Variants in ZDHHC13 observed in about 807,000 individuals in gnomAD.
ZDHHC13 encodes the protein zDHHC palmitoyltransferase 13.
Under a neutral mutation model 86.0 loss-of-function variants are expected in ZDHHC13, and 85 were observed. That is an observed-to-expected ratio of 0.99 (90% CI 0.83 to 1.18). The LOEUF is 1.18. ZDHHC13 is among the 50% of genes most tolerant of loss of function. ZDHHC13 has a pLI of 0.00. For synonymous variants in ZDHHC13, 263 were observed against 246.4 expected, an observed-to-expected ratio of 1.07 and a Z score of -0.63; for missense variants, 711 against 730.2, an observed-to-expected ratio of 0.97 and a Z score of 0.30.
Position 19,150,710 on chromosome 11 carries a change from G to A in ZDHHC13, c.520-17G>A, listed in dbSNP as rs1849583540. 1 of 1,597,528 alleles carries A rather than the reference G, an allele frequency of 6.3e-7. No homozygotes were observed. The highest frequency in any genetic ancestry group is 8.6e-7 in the Non-Finnish European group (1 of 1,168,210). On this transcript the variant is annotated splice_polypyrimidine_tract_variant and intron_variant, in intron 5 of 16. Coordinates refer to ENST00000446113, the MANE Select transcript of ZDHHC13 (RefSeq NM_019028.3). ...GAGTGTATTTACAGTTATGCTAATTGTCTTCTTTTTGAATAGAGTGTGAAT... is the reference window on the plus strand; with the variant it reads ...GAGTGTATTTACAGTTATGCTAATTATCTTCTTTTTGAATAGAGTGTGAAT...
intron 14 of ZDHHC13, chr11:19,166,694 T>A: frequency 5.5e-6 from 1 of 181,788 alleles, no homozygotes; most frequent in Non-Finnish European, 1.1e-5. Flanking sequence ...AGTACAAAGC[T>A]GGAGGTGGTA....
At chr11:19,157,891 T>C (rs1849802020) in intron 9 of ZDHHC13, among the ~76,000 whole-genome samples, 1 of 152,232 alleles carries the variant, frequency 6.6e-6, no homozygotes, top group Non-Finnish European at 1.5e-5. Flanking sequence ...AAAGCAACTG[T>C]AAACTACTAT....
At position 19,170,518 on chromosome 11, in the gene ZDHHC13, A is replaced by G; in HGVS notation, c.1582A>G (p.Thr528Ala). 6.5e-7 allele frequency: 1 copy of G among 1,531,086 alleles called. No homozygotes were observed. The highest frequency in any genetic ancestry group is 8.8e-7 in the Non-Finnish European group (1 of 1,141,794). The allele number at this position is 1,531,086 out of a possible 1,614,324, so 94.8% of individuals were successfully genotyped here. ...GGTTTTATATATCTTGATGCTAGCA[A>G]CTTTCCATTTCTCATGGTCAACATT... ...PWVLYILMLATFHFSWSTFLL... is the reference protein window; with the variant it reads ...PWVLYILMLAAFHFSWSTFLL... Residue 528 changes from threonine to alanine, a missense_variant, in exon 15 of 17, where the codon ACT (threonine) becomes GCT (alanine). Thr to Ala is a moderately conservative substitution (Grantham distance 58). Transcript: ENST00000446113.
chr11:19,144,169 ATTG>A (rs1849396108), intron 2 of ZDHHC13, among the ~76,000 whole-genome samples: 1 of 152,136 alleles, frequency 6.6e-6, no homozygotes, highest in African/African-American at 2.4e-5. Flanking sequence ...ATTATTTGAT[ATTG>A]TTTATATTTT....
rs11025035 is a variant in ZDHHC13, at chr11:19,152,255, G to T, written c.682G>T (p.Gly228Ter). Residue 228 changes from glycine to a stop codon, truncating the protein, a stop_gained, in exon 7 of 17, where the codon GGA (glycine) becomes TGA (stop). Transcript: ENST00000446113. LOFTEE classifies it high-confidence loss of function. ...TCCACTTCACTGGGCAGTTGCAGCAGGAAATGTTAATGCAGTTGATAAGCT... is the reference window on the plus strand; with the variant it reads ...TCCACTTCACTGGGCAGTTGCAGCATGAAATGTTAATGCAGTTGATAAGCT... ...NTPLHWAVAA[G>*]NVNAVDKLLE... The T allele has an allele frequency of 5.0e-6, 8 of 1,613,234 alleles. No homozygotes were observed. Among genetic ancestry groups the T allele is most frequent in the Non-Finnish European group, 5.9e-6 (7 of 1,179,510 alleles).
At chr11:19,125,834 A>G (rs1404046562) in intron 1 of ZDHHC13, among the ~76,000 whole-genome samples, 1 of 152,188 alleles carries the variant, frequency 6.6e-6, no homozygotes, top group Non-Finnish European at 1.5e-5. Flanking sequence ...AGCCCCTCCT[A>G]AAAGATTGTG....
chr11:19,137,665 A>T (rs1456931160), intron 1 of ZDHHC13, among the ~76,000 whole-genome samples: 6 of 152,242 alleles, frequency 3.9e-5, no homozygotes, highest in Non-Finnish European at 7.3e-5. Flanking sequence ...ACATACTTGG[A>T]AGTAAAGCTC....
chr11:19,169,016 G>A (rs1850147123), intron 14 of ZDHHC13: 1 of 985,436 alleles, frequency 1.0e-6, no homozygotes, highest in Non-Finnish European at 1.2e-6. Flanking sequence ...GAATGTATTA[G>A]CACAAATTAA....
intron 1 of ZDHHC13, among the ~76,000 whole-genome samples, chr11:19,119,813 T>G (rs997699954): frequency 1.3e-5 from 2 of 152,248 alleles, no homozygotes; most frequent in African/African-American, 4.8e-5. Context: ...TGGTGAGTAC[T>G]CTGTAAATAC....
At chr11:19,151,621 TG>T (rs532039310) in intron 6 of ZDHHC13, among the ~76,000 whole-genome samples, 11 of 152,190 alleles carry the variant, frequency 7.2e-5, no homozygotes, top group Admixed American at 4.6e-4. Context: ...ATCTCTTCAG[TG>T]GTCATGAAGG....
chr11:19,122,025 G>A (rs1848769207), intron 1 of ZDHHC13, among the ~76,000 whole-genome samples: 1 of 152,130 alleles, frequency 6.6e-6, no homozygotes, highest in Non-Finnish European at 1.5e-5. Context: ...AAGGTTACCT[G>A]TCTTCTTCTC....
At position 19,164,377 on chromosome 11, in the gene ZDHHC13, T is replaced by C. The variant is rs1849998084; in HGVS notation, c.1296+14T>C. 6.2e-7 allele frequency: 1 copy of C among 1,611,104 alleles called. No individual in the cohort carries two copies. On this transcript the variant is annotated intron_variant, in intron 12 of 16. Coordinates refer to ENST00000446113, the MANE Select transcript of ZDHHC13 (RefSeq NM_019028.3). ...ACATCATGTCTTGTGAGTTTTTTCATATAATTTTTTTCCGTAGTGAAAGCA... is the reference window on the plus strand; with the variant it reads ...ACATCATGTCTTGTGAGTTTTTTCACATAATTTTTTTCCGTAGTGAAAGCA...
chr11:19,155,109 T>C, intron 8 of ZDHHC13, among the ~76,000 whole-genome samples: 1 of 152,176 alleles, frequency 6.6e-6, no homozygotes, highest in East Asian at 1.9e-4. Flanking sequence ...GTTGGAGCTC[T>C]TATAGTTCCC....
rs981706943 is a variant in ZDHHC13, at chr11:19,135,486, G to A, written c.28-7492G>A. ...TGAGATCAAACTGCAAGGCGGCAGC[G>A]AGGCTGGGGAGGGGCGCCCGCCATT... On this transcript the variant is annotated intron_variant, in intron 1 of 16. Transcript: ENST00000446113. 1.7e-4 allele frequency among the ~76,000 whole-genome samples: 26 copies of A among 152,250 alleles called. 1 individual carries two copies. Among genetic ancestry groups the A allele is most frequent in the African/African-American group, 1.4e-4 (6 of 41,476 alleles).
intron 1 of ZDHHC13, among the ~76,000 whole-genome samples, chr11:19,137,506 A>C (rs1223785647): frequency 6.6e-6 from 1 of 151,568 alleles, no homozygotes. Flanking sequence ...TAGACAGATC[A>C]ACGAGACAGA....
At chr11:19,171,719 C>T (rs886310240) in intron 15 of ZDHHC13, among the ~76,000 whole-genome samples, 2 of 152,012 alleles carry the variant, frequency 1.3e-5, no homozygotes, top group Non-Finnish European at 2.9e-5. Flanking sequence ...AGAATAAGTA[C>T]AAGTATATGA....
At chr11:19,164,107 T>C (rs1849988781) in intron 11 of ZDHHC13, among the ~76,000 whole-genome samples, 194 bp from the exon 12 acceptor site, 1 of 152,188 alleles carries the variant, frequency 6.6e-6, no homozygotes, top group Non-Finnish European at 1.5e-5. Context: ...GCATCCTAAT[T>C]TATTAGCTGT....
In ZDHHC13 at chr11:19,160,881, C is replaced by T. The variant is rs146045631; in HGVS notation, c.1108+1841C>T. On this transcript the variant is annotated intron_variant, in intron 10 of 16. Coordinates refer to ENST00000446113, the MANE Select transcript of ZDHHC13 (RefSeq NM_019028.3). The stretch of plus-strand genomic sequence containing the variant: ...GTGGGTCGTGGAAGAATTAAATGGG[C>T]CGTGATTAAAATTAACAAAAGAGAA... 2.2e-3 allele frequency among the ~76,000 whole-genome samples: 338 copies of T among 151,866 alleles called. 11 individuals carry two copies. Among genetic ancestry groups the T allele is most frequent in the Admixed American group, 0.016 (249 of 15,268 alleles).
At position 19,117,631 on chromosome 11, in the gene ZDHHC13, C is replaced by T. The variant is rs1848673494; in HGVS notation, c.27+355C>T. The T allele has an allele frequency of 3.5e-6, 1 of 289,470 alleles. No homozygotes were observed. The highest frequency in any genetic ancestry group is 5.7e-5 in the East Asian group (1 of 17,664). The allele number at this position is 289,470 out of a possible 1,614,324, so 17.9% of individuals were successfully genotyped here. ...GAGGTGTCAGGTGACACACCTGATT[C>T]GGACCCGCCCGTCTTGACGTTGGCC... On this transcript the variant is annotated intron_variant, in intron 1 of 16. Transcript: ENST00000446113. The surrounding 1 kb of genome is among the most constrained non-coding windows in gnomAD (Gnocchi z 4.2).
Sources: allele counts gnomAD v4.1 joint callset (sites outside exome capture counted in the v4.1 genomes callset), GRCh38; gene constraint gnomAD v4.1.1; non-coding constraint Gnocchi (gnomAD v3.1); transcripts MANE v1.5; gene names NCBI Gene and HGNC (gene_info 2026-07-23, HGNC 2026-07-21).